The following ZNF503 variants were observed in gnomAD, a reference collection of about 807,000 sequenced individuals.
The protein encoded by ZNF503 is zinc finger protein 503, also known as NocA-like zinc finger 2.
Under a neutral mutation model 34.4 loss-of-function variants are expected in ZNF503, and 15 were observed. The observed-to-expected ratio is 0.44, with a 90% CI of 0.29 to 0.67. ZNF503 has a LOEUF of 0.67. Ranked by LOEUF, ZNF503 falls within the 30% of genes least tolerant of loss-of-function variation. The pLI is 0.13. For missense variants in ZNF503, 1,007 were observed against 926.8 expected (o/e 1.09, Z -1.12); for synonymous variants, 580 against 456.8 (o/e 1.27, Z -3.44).
chr10:75,398,594 G>A lies in ZNF503; in HGVS notation c.*155C>T, dbSNP rs986979438. 4.9e-6 allele frequency: 3 copies of A among 612,812 alleles called. No individual in the cohort carries two copies. Among genetic ancestry groups the A allele is most frequent in the Non-Finnish European group, 2.4e-6 (1 of 421,966 alleles). The allele number at this position is 612,812 out of a possible 1,614,324, so 38.0% of individuals were successfully genotyped here. ...GTCCCACCGGGTCTCGGTCGCTGCTGTCGGGTAGATAGATACGGTATACAT... is the reference window on the plus strand; with the variant it reads ...GTCCCACCGGGTCTCGGTCGCTGCTATCGGGTAGATAGATACGGTATACAT... On this transcript the variant is annotated 3_prime_UTR_variant, in exon 2 of 2. Transcript: ENST00000372524.
the ZNF503 span, chr10:75,296,407 G>C: frequency 6.6e-6 from 1 of 152,356 alleles, no homozygotes; most frequent in African/African-American, 2.4e-5. Context: ...TGTCTGAGAG[G>C]AGAGCATGGT....
chr10:75,377,672 T>A, the ZNF503 span, among the ~76,000 whole-genome samples: 1 of 152,296 alleles, frequency 6.6e-6, no homozygotes, highest in South Asian at 2.1e-4. Flanking sequence ...GAAGTGGGCA[T>A]GTGGGACTTT....
chr10:75,353,971 G>C, the ZNF503 span, among the ~76,000 whole-genome samples: 1 of 152,240 alleles, frequency 6.6e-6, no homozygotes, highest in Non-Finnish European at 1.5e-5. Context: ...GCTACTTGCT[G>C]AAAGTGGGGT....
At chr10:75,395,535 G>C (rs1843687161), downstream of ZNF503, among the ~76,000 whole-genome samples, 1 of 152,076 alleles carries the variant, frequency 6.6e-6, no homozygotes, top group South Asian at 2.1e-4. The surrounding 1 kb of genome is among the most constrained non-coding windows in gnomAD (Gnocchi z 4.4). Flanking sequence ...GCCGCCAGCC[G>C]GCGCGCCGGG....
At chr10:75,295,095 A>C in the ZNF503 span, among the ~76,000 whole-genome samples, 657 of 151,880 alleles carry the variant, frequency 4.3e-3, 2 homozygotes, top group Admixed American at 0.012. This position sits in a 1 kb window ranked among gnomAD's most constrained non-coding sequence, Gnocchi z 4.0. Context: ...CCTGACAGAC[A>C]GGGCTGCGGC....
downstream of ZNF503, among the ~76,000 whole-genome samples, chr10:75,397,675 A>G (rs192555751): frequency 8.1e-4 from 123 of 152,372 alleles, no homozygotes; most frequent in Non-Finnish European, 1.4e-3. Context: ...CGCGGCTGGT[A>G]GCCCCTTCCG....
the ZNF503 span, among the ~76,000 whole-genome samples, chr10:75,364,581 T>A: frequency 6.6e-6 from 1 of 151,948 alleles, no homozygotes; most frequent in Admixed American, 6.6e-5. Context: ...GAGACAGGCA[T>A]CCCCAGCAAA....
the ZNF503 span, among the ~76,000 whole-genome samples, chr10:75,352,583 C>A: frequency 6.6e-5 from 10 of 152,166 alleles, no homozygotes; most frequent in Admixed American, 5.2e-4. Context: ...TGTATGAATG[C>A]GTGCTGGTCT....
the ZNF503 span, among the ~76,000 whole-genome samples, chr10:75,305,277 A>G: frequency 6.6e-6 from 1 of 152,196 alleles, no homozygotes; most frequent in African/African-American, 2.4e-5. Flanking sequence ...TTTTTGATAA[A>G]TCAACCAAAT....
the ZNF503 span, among the ~76,000 whole-genome samples, chr10:75,386,824 C>T: frequency 2.6e-5 from 4 of 152,178 alleles, no homozygotes; most frequent in African/African-American, 9.7e-5. Context: ...TCATCCAAGC[C>T]CAGATCAAGT....
At chr10:75,292,562 T>G in the ZNF503 span, among the ~76,000 whole-genome samples, 2 of 152,220 alleles carry the variant, frequency 1.3e-5, no homozygotes, top group Non-Finnish European at 2.9e-5. Flanking sequence ...GCATATCTCT[T>G]TTGGAATCAA....
At chr10:75,331,039 G>A in the ZNF503 span, among the ~76,000 whole-genome samples, 1 of 152,082 alleles carries the variant, frequency 6.6e-6, no homozygotes, top group East Asian at 1.9e-4. Flanking sequence ...GATATGTTGT[G>A]TTTTTAAAAC....
the ZNF503 span, among the ~76,000 whole-genome samples, chr10:75,323,597 A>C: frequency 6.6e-6 from 1 of 152,100 alleles, no homozygotes; most frequent in Admixed American, 6.5e-5. Context: ...TGGTGGTTTT[A>C]ATTTGCATGT....
chr10:75,286,058 G>C, the ZNF503 span, among the ~76,000 whole-genome samples: 1 of 152,134 alleles, frequency 6.6e-6, no homozygotes, highest in Admixed American at 6.5e-5. Context: ...CGAGGCAGGT[G>C]GATCACTTGA....
At chr10:75,330,636 T>C in the ZNF503 span, among the ~76,000 whole-genome samples, 1 of 152,204 alleles carries the variant, frequency 6.6e-6, no homozygotes, top group Non-Finnish European at 1.5e-5. Context: ...TTTGTTGGCA[T>C]ATAGTTGTTT....
chr10:75,298,617 G>C, the ZNF503 span, among the ~76,000 whole-genome samples: 5 of 152,040 alleles, frequency 3.3e-5, no homozygotes, highest in Non-Finnish European at 5.9e-5. Context: ...CATTTGGATT[G>C]TTTCTACTTT....
At chr10:75,352,784 AC>A in the ZNF503 span, among the ~76,000 whole-genome samples, 95 of 152,384 alleles carry the variant, frequency 6.2e-4, no homozygotes, top group African/African-American at 2.2e-3. Context: ...AAGGGCACAG[AC>A]AAAGCAATTC....
chr10:75,312,130 C>T, the ZNF503 span, among the ~76,000 whole-genome samples: 1 of 152,046 alleles, frequency 6.6e-6, no homozygotes, highest in Non-Finnish European at 1.5e-5. Context: ...TCCCATCTAC[C>T]CAGAAGGTGG....
the ZNF503 span, among the ~76,000 whole-genome samples, chr10:75,300,574 T>C: frequency 6.6e-6 from 1 of 152,162 alleles, no homozygotes; most frequent in African/African-American, 2.4e-5. Context: ...TATAAAAGTA[T>C]TAATTTGGGG....
Sources: gnomAD v4.1 joint callset for allele counts (sites outside exome capture counted in the v4.1 genomes callset) on GRCh38, gnomAD v4.1.1 for gene constraint, Gnocchi (gnomAD v3.1) non-coding constraint, MANE v1.5 for transcripts, NCBI Gene and HGNC (gene_info 2026-07-23, HGNC 2026-07-21) for gene names.